Variants in OTUD7A observed in about 807,000 individuals in gnomAD.
OTUD7A encodes OTU domain-containing protein 7A.
In OTUD7A, 12 loss-of-function variants were observed where a neutral mutation model predicts 65.7. The observed-to-expected ratio is 0.18, with a 90% confidence interval of 0.12 to 0.30. The LOEUF is 0.30. Ranked by LOEUF, OTUD7A falls within the 10% of genes least tolerant of loss-of-function variation. OTUD7A has a pLI of 1.00. For synonymous variants in OTUD7A, 641 were observed against 586.3 expected, an observed-to-expected ratio of 1.09 and a Z score of -1.35; for missense variants, 1,148 against 1,304.8, an observed-to-expected ratio of 0.88 and a Z score of 1.85.
intron 1 of OTUD7A, among the ~76,000 whole-genome samples, chr15:31,682,726 A>G (rs1435192151): frequency 2.6e-5 from 4 of 152,168 alleles, no homozygotes; most frequent in Admixed American, 2.6e-4. Context: ...GTGTGCCTGT[A>G]TGTTTAGGTG....
intron 1 of OTUD7A, among the ~76,000 whole-genome samples, chr15:31,694,365 A>G (rs1305929273): frequency 1.3e-5 from 2 of 152,122 alleles, no homozygotes; most frequent in Non-Finnish European, 1.5e-5. Flanking sequence ...TCTCCCTGTC[A>G]TAACACCCCT....
rs375454661 is a variant in OTUD7A, at chr15:31,677,165, G to A, written c.-99-20088C>T. 5.3e-5 allele frequency among the ~76,000 whole-genome samples: 8 copies of A among 152,170 alleles called. No homozygotes were observed. The South Asian group carries it at 8.3e-4, about 16-fold the overall frequency. ...CCCACTTCTCCCTTATCTCTTATTTGCCAGCTCAGCTCATTAGAGAGGATT... is the reference window on the plus strand; with the variant it reads ...CCCACTTCTCCCTTATCTCTTATTTACCAGCTCAGCTCATTAGAGAGGATT... On this transcript the variant is annotated intron_variant, in intron 1 of 12. Transcript: ENST00000307050.
At chr15:31,569,115 TATTAGGAAAGAAGCCCTAAA>T (rs1307438598) in intron 4 of OTUD7A, among the ~76,000 whole-genome samples, 4 of 152,204 alleles carry the variant, frequency 2.6e-5, no homozygotes, top group Non-Finnish European at 5.9e-5. Flanking sequence ...AGTAGCAATA[TATTAGGAAAGAAGCCCTAAA>T]ATTATTAAGC....
chr15:31,744,074 C>A (rs1894412309), intron 1 of OTUD7A, among the ~76,000 whole-genome samples: 1 of 152,150 alleles, frequency 6.6e-6, no homozygotes, highest in Admixed American at 6.5e-5. Flanking sequence ...AACAGAAAAT[C>A]TGAACTGCAT....
chr15:31,623,853 C>T (rs747339349), intron 3 of OTUD7A, among the ~76,000 whole-genome samples: 1 of 152,196 alleles, frequency 6.6e-6, no homozygotes, highest in Non-Finnish European at 1.5e-5. Context: ...TCTTCTGCAT[C>T]GCTCACGCTG....
intron 5 of OTUD7A, among the ~76,000 whole-genome samples, chr15:31,549,819 G>C (rs1888260095): frequency 6.6e-6 from 1 of 152,198 alleles, no homozygotes; most frequent in African/African-American, 2.4e-5. Flanking sequence ...AAGAGAGCTA[G>C]ACGGCAAGGA....
intron 10 of OTUD7A, among the ~76,000 whole-genome samples, chr15:31,500,134 G>C (rs2041445890): frequency 6.6e-6 from 1 of 152,206 alleles, no homozygotes; most frequent in Non-Finnish European, 1.5e-5. Flanking sequence ...CCCGCCCCTG[G>C]CCGATCCCAG....
intron 8 of OTUD7A, among the ~76,000 whole-genome samples, chr15:31,507,057 A>G (rs2041585205): frequency 6.6e-6 from 1 of 152,204 alleles, no homozygotes; most frequent in African/African-American, 2.4e-5. Flanking sequence ...TTTGATGGCT[A>G]AGGTCTGTCT....
intron 1 of OTUD7A, among the ~76,000 whole-genome samples, chr15:31,815,528 T>C (rs936995552): frequency 2.0e-5 from 3 of 152,266 alleles, no homozygotes; most frequent in African/African-American, 4.8e-5. Flanking sequence ...CTGAGTTCAT[T>C]GAACATCCAG....
chr15:31,553,595 G>T (rs749893575), intron 5 of OTUD7A, among the ~76,000 whole-genome samples: 2 of 151,778 alleles, frequency 1.3e-5, no homozygotes, highest in Non-Finnish European at 2.9e-5. Context: ...TTCCTCCAGG[G>T]GTCTGCATCT....
chr15:31,495,019 T>G (rs7181440), intron 10 of OTUD7A, among the ~76,000 whole-genome samples: 7,636 of 152,118 alleles, frequency 0.05, 641 homozygotes, highest in African/African-American at 0.18. Flanking sequence ...GCGCTTCCTG[T>G]GGGCATGGAC....
intron 1 of OTUD7A, among the ~76,000 whole-genome samples, chr15:31,732,485 A>C (rs1894072600): frequency 6.6e-6 from 1 of 152,248 alleles, no homozygotes; most frequent in South Asian, 2.1e-4. Flanking sequence ...ACAGCTTAAC[A>C]GGCTATTGAA....
intron 5 of OTUD7A, among the ~76,000 whole-genome samples, chr15:31,546,903 A>G (rs1272404306): frequency 6.6e-6 from 1 of 152,244 alleles, no homozygotes; most frequent in African/African-American, 2.4e-5. Context: ...ATAAAGCTCA[A>G]AAAGAGGCAA....
At chr15:31,807,813 A>C (rs11636727) in intron 1 of OTUD7A, among the ~76,000 whole-genome samples, 59,528 of 151,336 alleles carry the variant, frequency 0.39, 13,971 homozygotes, top group Non-Finnish European at 0.51. Context: ...CCAACCCCCC[A>C]AAAAAACCCA....
At chr15:31,733,074 C>A (rs1011980894) in intron 1 of OTUD7A, among the ~76,000 whole-genome samples, 52 of 152,336 alleles carry the variant, frequency 3.4e-4, no homozygotes, top group African/African-American at 1.2e-3. Context: ...CCACAGTGGG[C>A]TCTGGAGCCC....
chr15:31,515,802 C>T (rs1450876385), intron 8 of OTUD7A, among the ~76,000 whole-genome samples: 2 of 151,624 alleles, frequency 1.3e-5, no homozygotes, highest in African/African-American at 4.9e-5. Flanking sequence ...CCTGTCCATC[C>T]ACCCACATGT....
chr15:31,736,484 T>C (rs8026051), intron 1 of OTUD7A, among the ~76,000 whole-genome samples: 3,258 of 152,294 alleles, frequency 0.021, 111 homozygotes, highest in African/African-American at 0.074. Flanking sequence ...TGTCTTAAGC[T>C]CTTCAGATAT....
At chr15:31,753,709 T>TAATATATAACCTGTG (rs1567004964) in intron 1 of OTUD7A, among the ~76,000 whole-genome samples, 18 of 112,498 alleles carry the variant, frequency 1.6e-4, no homozygotes, top group African/African-American at 7.6e-4. Context: ...ATATTATATA[T>TAATATATAACCTGTG]ATATATATAT....
At chr15:31,615,012 G>A (rs147084916) in intron 3 of OTUD7A, among the ~76,000 whole-genome samples, 1,579 of 152,224 alleles carry the variant, frequency 0.01, 21 homozygotes, top group African/African-American at 0.037. Context: ...AATGTACCGG[G>A]AAGAAGCTAA....
Sources: gnomAD v4.1 joint callset for allele counts (sites outside exome capture counted in the v4.1 genomes callset) on GRCh38, gnomAD v4.1.1 for gene constraint, MANE v1.5 for transcripts, NCBI Gene and HGNC (gene_info 2026-07-23, HGNC 2026-07-21) for gene names.